TRAPPC8: variants seen among roughly 807,000 people sequenced by gnomAD.
TRAPPC8 encodes general sporulation gene 1 homolog.
In TRAPPC8, 54 loss-of-function variants were observed where a neutral mutation model predicts 174.3. That is an observed-to-expected ratio of 0.31 (90% confidence interval 0.25 to 0.39). The LOEUF is 0.39. TRAPPC8 is among the 10% of genes least tolerant of loss of function. The pLI, the probability that TRAPPC8 is intolerant of heterozygous loss-of-function variation, is 1.00. For synonymous variants in TRAPPC8, 630 were observed against 579.9 expected (o/e 1.09, Z -1.24); for missense variants, 1,531 against 1,699.1 (o/e 0.90, Z 1.74).
chr18:31,857,821 T>C lies in TRAPPC8; in HGVS notation c.2907A>G (p.Pro969=), dbSNP rs770309412. 2 of 1,614,160 alleles carry C rather than the reference T, an allele frequency of 1.2e-6. No homozygotes were observed. Among genetic ancestry groups the C allele is most frequent in the African/African-American group, 2.7e-5 (2 of 75,058 alleles). The change falls in exon 20 of 29, where the codon CCA becomes CCG. Residue 969 remains proline (P), a synonymous_variant. Transcript: ENST00000283351. Reference sequence around the variant, plus strand: ...AATTCTCAGAAGCTGAGGGACTTAGTGGTGTTAGAACAGCAGTATTACCAC... The same window carrying C: ...AATTCTCAGAAGCTGAGGGACTTAGCGGTGTTAGAACAGCAGTATTACCAC... ...TFGGNTAVLT[P]LSPSASENCS... is the part of the protein sequence containing the mutation.
At chr18:31,893,427 G>C (rs1045846399) in intron 11 of TRAPPC8, among the ~76,000 whole-genome samples, 19 of 151,962 alleles carry the variant, frequency 1.3e-4, no homozygotes, top group African/African-American at 4.6e-4. Flanking sequence ...GCCTGTGTGT[G>C]TGTTACCCTG....
intron 22 of TRAPPC8, chr18:31,852,874 CAT>C (rs1491564249): frequency 1.9e-6 from 1 of 529,646 alleles, no homozygotes; most frequent in Non-Finnish European, 3.4e-6. Flanking sequence ...CATGTGTGCA[CAT>C]GTATATATAT....
intron 27 of TRAPPC8, among the ~76,000 whole-genome samples, chr18:31,836,038 A>C (rs56046214): frequency 0.14 from 21,435 of 152,202 alleles, 1,895 homozygotes; most frequent in South Asian, 0.34. Context: ...ATGAGTATGG[A>C]AATAAATGCT....
chr18:31,863,972 A>C (rs1481769020), intron 19 of TRAPPC8, among the ~76,000 whole-genome samples: 1 of 149,850 alleles, frequency 6.7e-6, no homozygotes, highest in East Asian at 1.9e-4. Context: ...AAAGTATAAT[A>C]CTAAAGTATT....
At chr18:31,934,442 T>C (rs929587791) in intron 1 of TRAPPC8, among the ~76,000 whole-genome samples, 22 of 152,124 alleles carry the variant, frequency 1.4e-4, no homozygotes, top group Non-Finnish European at 2.1e-4. Context: ...CTAACTTAAA[T>C]AAACATACCA....
At chr18:31,920,295 T>C (rs886117027) in intron 2 of TRAPPC8, among the ~76,000 whole-genome samples, 25 of 152,210 alleles carry the variant, frequency 1.6e-4, no homozygotes, top group African/African-American at 5.8e-4. Flanking sequence ...TTTTCCAAAA[T>C]AGCTCTTCTT....
At chr18:31,887,253 A>G (rs1283760381) in intron 12 of TRAPPC8, among the ~76,000 whole-genome samples, 1 of 152,190 alleles carries the variant, frequency 6.6e-6, no homozygotes, top group Non-Finnish European at 1.5e-5. Context: ...AAACCACATG[A>G]TTATCTCAAT....
rs138429629 is a variant in TRAPPC8 at position 31,934,697 on chromosome 18, G to A, written c.158-3174C>T. Among the ~76,000 whole-genome samples the A allele has an allele frequency of 3.0e-3, 460 of 151,910 alleles. 2 individuals are homozygous for A. Among genetic ancestry groups the A allele is most frequent in the African/African-American group, 9.6e-3 (399 of 41,432 alleles). On this transcript the variant is annotated intron_variant, in intron 1 of 28. Transcript: ENST00000283351. ...AGCCTGGCCAACGTGGTGAAACCCC[G>A]TCTCTACTAAAAATACAAAATTAGC... is the stretch of plus-strand genomic sequence containing the variant.
chr18:31,837,057 C>T (rs959585402), intron 27 of TRAPPC8, among the ~76,000 whole-genome samples: 12 of 152,028 alleles, frequency 7.9e-5, no homozygotes, highest in South Asian at 4.1e-4. Context: ...CCACCGCGCC[C>T]GGCCCATCCT....
intron 24 of TRAPPC8, among the ~76,000 whole-genome samples, chr18:31,851,134 G>A (rs144965699): frequency 1.0e-3 from 153 of 152,232 alleles, no homozygotes; most frequent in African/African-American, 3.6e-3. Context: ...TCAAGGAGAC[G>A]AGCAGAAAGA....
chr18:31,840,300 T>C (rs1200082644), intron 26 of TRAPPC8, among the ~76,000 whole-genome samples: 1 of 150,650 alleles, frequency 6.6e-6, no homozygotes, highest in African/African-American at 2.5e-5. Flanking sequence ...GAGGTTGTAG[T>C]GAGCCGAGAT....
chr18:31,925,240 G>GA (rs1046067069), intron 2 of TRAPPC8, among the ~76,000 whole-genome samples: 2 of 146,084 alleles, frequency 1.4e-5, no homozygotes. Context: ...TAATACGAAT[G>GA]AAAAAAAAAG....
chr18:31,935,546 C>T (rs2038053229), intron 1 of TRAPPC8, among the ~76,000 whole-genome samples: 2 of 2,930 alleles, frequency 6.8e-4, no homozygotes, highest in East Asian at 4.9e-3. Flanking sequence ...GAAACTCCAT[C>T]TTAAAAAAAA....
rs1349192351 is a variant in TRAPPC8, at chr18:31,848,654, TTC to T, written c.3735+910_3735+911del. On this transcript the variant is annotated intron_variant, in intron 25 of 28. Transcript: ENST00000283351. ...TTAAAAAGAAACACTTCATAAAAAC[TTC>T]TGAGTCAATTTAAAATACATGTATT... Among the ~76,000 whole-genome samples the T allele has an allele frequency of 5.3e-5, 8 of 152,144 alleles. No homozygotes were observed. In the East Asian group the frequency reaches 1.5e-3, roughly 29 times the overall value.
At chr18:31,936,163 T>C (rs774837396) in intron 1 of TRAPPC8, among the ~76,000 whole-genome samples, 1 of 151,796 alleles carries the variant, frequency 6.6e-6, no homozygotes, top group Non-Finnish European at 1.5e-5. Flanking sequence ...CTTTACCATA[T>C]TAAAAAACCC....
rs578042769 is a variant in TRAPPC8, at chr18:31,891,968, T to A, written c.1597-1102A>T. On this transcript the variant is annotated intron_variant, in intron 11 of 28. Transcript: ENST00000283351. ...GACAAAAACTAAATGATTAGATGAT[T>A]GCTCTAGTAATTAAGATCCAAAAGC... 7.2e-5 allele frequency among the ~76,000 whole-genome samples: 11 copies of A among 152,340 alleles called. No individual in the cohort carries two copies. The East Asian group carries it at 2.1e-3, about 29-fold the overall frequency.
At chr18:31,892,933 C>T (rs1391791504) in intron 11 of TRAPPC8, among the ~76,000 whole-genome samples, 2 of 151,798 alleles carry the variant, frequency 1.3e-5, no homozygotes, top group African/African-American at 4.8e-5. Flanking sequence ...AGGAGAATCA[C>T]CTGAGCCTGG....
intron 11 of TRAPPC8, among the ~76,000 whole-genome samples, chr18:31,897,271 T>C (rs541213138): frequency 2.0e-4 from 30 of 152,322 alleles, no homozygotes; most frequent in African/African-American, 7.0e-4. Flanking sequence ...TATAAATGAA[T>C]TACTTTTTTC....
chr18:31,848,475 C>T (rs942782399), intron 25 of TRAPPC8, among the ~76,000 whole-genome samples: 4 of 152,086 alleles, frequency 2.6e-5, no homozygotes, highest in Non-Finnish European at 5.9e-5. Flanking sequence ...TTCTAAAGTT[C>T]GGAAGAATTT....
Sources: allele counts gnomAD v4.1 joint callset (sites outside exome capture counted in the v4.1 genomes callset), GRCh38; gene constraint gnomAD v4.1.1; transcripts MANE v1.5; gene names NCBI Gene and HGNC (gene_info 2026-07-23, HGNC 2026-07-21).